The following BHMT2 variants were observed in gnomAD, a reference collection of about 807,000 sequenced individuals.
BHMT2 encodes S-methylmethionine--homocysteine S-methyltransferase BHMT2.
BHMT2 carries 28 observed loss-of-function variants against 39.0 expected under a neutral mutation model. The observed-to-expected ratio is 0.72, with a 90% CI of 0.53 to 0.98. BHMT2 has a LOEUF of 0.98. BHMT2 is among the 50% of genes least tolerant of loss of function. The probability of loss-of-function intolerance (pLI) is 0.00; values close to 1 mark genes in which losing one functional copy is unlikely to be tolerated. For missense variants in BHMT2, 410 were observed against 455.6 expected (o/e 0.90, Z 0.91); for synonymous variants, 145 against 160.6 (o/e 0.90, Z 0.74).
rs185777199 is a variant in BHMT2, at chr5:79,081,381, A to G, written c.450+503A>G. Among the ~76,000 whole-genome samples, 34 of 152,262 alleles carry G rather than the reference A, an allele frequency of 2.2e-4. No individual in the cohort carries two copies. The East Asian group carries it at 5.8e-3, about 26-fold the overall frequency. On this transcript the variant is annotated intron_variant, in intron 4 of 7. Coordinates refer to ENST00000255192, the MANE Select transcript of BHMT2 (RefSeq NM_017614.5). ...TCTTCTTGCCTCTCTGCTTTCACTCAAGCTATGACATGTGAATTACATTTT... is the reference window on the plus strand; with the variant it reads ...TCTTCTTGCCTCTCTGCTTTCACTCGAGCTATGACATGTGAATTACATTTT...
chr5:79,083,835 C>T lies in BHMT2; in HGVS notation c.989C>T (p.Thr330Ile). ...GSWGSGLDMH[T>I]KPWIRARARR... ...TGGGGAAGTGGTTTGGACATGCACA[C>T]CAAACCCTGGATTAGAGCAAGGTAA... The change falls in exon 7 of 8, where the codon ACC (threonine) becomes ATC (isoleucine). Residue 330 changes from threonine (T) to isoleucine (I), a missense_variant. Thr to Ile is a moderately conservative substitution (Grantham distance 89). Transcript: ENST00000255192. The T allele has an allele frequency of 6.2e-7, 1 of 1,613,982 alleles. No individual in the cohort carries two copies. Among genetic ancestry groups the T allele is most frequent in the Non-Finnish European group, 8.5e-7 (1 of 1,179,924 alleles).
intron 4 of BHMT2, among the ~76,000 whole-genome samples, chr5:79,081,669 G>A (rs1755790914): frequency 6.6e-6 from 1 of 152,106 alleles, no homozygotes; most frequent in African/African-American, 2.4e-5. Context: ...AGACTACCCT[G>A]GTGAACAAGG....
chr5:79,089,240 T>G lies in BHMT2; in HGVS notation c.*666T>G, dbSNP rs917610119. On this transcript the variant is annotated 3_prime_UTR_variant, in exon 8 of 8. Coordinates refer to ENST00000255192, the MANE Select transcript of BHMT2 (RefSeq NM_017614.5). ...GCCGAGGCGGGCGGATCACCTGAGG[T>G]CAGCAGTTCAAGACCAGCCTGACCA... The G allele has an allele frequency of 6.6e-6, 1 of 151,570 alleles. No individual in the cohort carries two copies. The highest frequency in any genetic ancestry group is 1.5e-5 in the Non-Finnish European group (1 of 67,892). The allele number at this position is 151,570 out of a possible 1,614,324, so 9.4% of individuals were successfully genotyped here.
At position 79,083,709 on chromosome 5, in the gene BHMT2, G is replaced by T. The variant is rs903018207; in HGVS notation, c.863G>T (p.Gly288Val). 1 of 1,614,096 alleles carries T rather than the reference G, an allele frequency of 6.2e-7. No individual in the cohort carries two copies. The highest frequency in any genetic ancestry group is 8.5e-7 in the Non-Finnish European group (1 of 1,180,008). Residue 288 changes from glycine (G) to valine (V), a missense_variant, in exon 7 of 8, where the codon GGC becomes GTC. Transcript: ENST00000255192. Reference sequence around the variant, plus strand: ...TACAACCTGGGGGTCAGGTACATTGGCGGGTGCTGTGGATTTGAGCCCTAC... The same window carrying T: ...TACAACCTGGGGGTCAGGTACATTGTCGGGTGCTGTGGATTTGAGCCCTAC... ...EAYNLGVRYI[G>V]GCCGFEPYHI...
chr5:79,083,928 G>A, intron 7 of BHMT2, 72 bp downstream of exon 7: 1 of 1,509,548 alleles, frequency 6.6e-7, no homozygotes, highest in African/African-American at 1.4e-5. Context: ...TAAATGTCAT[G>A]CATGCACATG....
At chr5:79,086,918 ATGGAT>A (rs1238169646) in intron 7 of BHMT2, among the ~76,000 whole-genome samples, 4 of 150,836 alleles carry the variant, frequency 2.7e-5, no homozygotes, top group African/African-American at 9.7e-5. Context: ...CTGTTCTGTT[ATGGAT>A]CATTGTATTT....
intron 3 of BHMT2, 93 bp from the exon 4 acceptor site, chr5:79,080,594 C>A: frequency 8.5e-7 from 1 of 1,171,174 alleles, no homozygotes; most frequent in Non-Finnish European, 1.2e-6. Flanking sequence ...GGCTTATACT[C>A]ATCTTACTTG....
chr5:79,073,855 C>A (rs76185619), intron 1 of BHMT2, among the ~76,000 whole-genome samples: 1,621 of 152,292 alleles, frequency 0.011, 26 homozygotes, highest in African/African-American at 0.037. Flanking sequence ...GATGGACCTT[C>A]TTGCACTGCA....
At position 79,088,623 on chromosome 5, in the gene BHMT2, C is replaced by T; in HGVS notation, c.*49C>T. 1 of 1,532,970 alleles carries T rather than the reference C, an allele frequency of 6.5e-7. No individual in the cohort carries two copies. The highest frequency in any genetic ancestry group is 2.3e-5 in the East Asian group (1 of 44,316). 95.0% of individuals were successfully genotyped at this position (1,532,970 alleles called of 1,614,324 possible). A position where few individuals can be genotyped will look rare whatever the true frequency, so the allele number is the denominator to read the frequency against. On this transcript the variant is annotated 3_prime_UTR_variant, in exon 8 of 8. Coordinates refer to ENST00000255192, the MANE Select transcript of BHMT2 (RefSeq NM_017614.5). ...AATAATCGAACAGGAAAAAGTTGCC[C>T]TCAAGCCTGACCTGGAACCGTTCCT...
chr5:79,080,612 T>G (rs1302433641), intron 3 of BHMT2, 75 bp from the exon 4 acceptor site: 1 of 1,354,482 alleles, frequency 7.4e-7, no homozygotes, highest in African/African-American at 1.5e-5. Flanking sequence ...TTGTTTATTG[T>G]CCCTTTAGTT....
At chr5:79,077,443 T>A (rs1395698647) in intron 1 of BHMT2, 37 bp from the exon 2 acceptor site, 10 of 1,546,412 alleles carry the variant, frequency 6.5e-6, no homozygotes, top group South Asian at 6.3e-5. Flanking sequence ...AAAAAAAAAG[T>A]AGAGCGGAGC....
intron 7 of BHMT2, among the ~76,000 whole-genome samples, chr5:79,084,269 G>C (rs1024238298): frequency 4.0e-5 from 6 of 151,340 alleles, no homozygotes; most frequent in South Asian, 2.1e-4. Flanking sequence ...TGTCTTTTTT[G>C]TTTGTTTGTT....
At chr5:79,072,385 T>C (rs773591213) in intron 1 of BHMT2, among the ~76,000 whole-genome samples, 1 of 152,146 alleles carries the variant, frequency 6.6e-6, no homozygotes, top group Non-Finnish European at 1.5e-5. Flanking sequence ...ACAGTCAAAA[T>C]ATATACTACA....
chr5:79,085,419 G>A (rs529507715), intron 7 of BHMT2, among the ~76,000 whole-genome samples: 61 of 152,274 alleles, frequency 4.0e-4, no homozygotes, highest in East Asian at 3.3e-3. Flanking sequence ...AGTGGCTCAC[G>A]CCTGTAATCC....
chr5:79,087,976 T>C (rs538804728), intron 7 of BHMT2, among the ~76,000 whole-genome samples: 21 of 152,238 alleles, frequency 1.4e-4, no homozygotes, highest in Admixed American at 1.4e-3. Context: ...GCTCAGGAGT[T>C]TGAGACTAGC....
chr5:79,079,386 G>A lies in BHMT2; in HGVS notation c.184G>A (p.Glu62Lys). ...HPDAVRQLHM[E>K]FLRAGSNVMQ... The stretch of plus-strand genomic sequence containing the variant: ...CTTTGTAGTTCGTCAACTTCACATG[G>A]AATTCTTGAGAGCAGGATCAAATGT... Residue 62 changes from glutamate (E) to lysine (K), a missense_variant, in exon 3 of 8, where the codon GAA becomes AAA. By Grantham distance (56) the Glu-to-Lys change is moderately conservative. Transcript: ENST00000255192. 1 of 1,613,204 alleles carries A rather than the reference G, an allele frequency of 6.2e-7. No homozygotes were observed. Among genetic ancestry groups the A allele is most frequent in the Non-Finnish European group, 8.5e-7 (1 of 1,179,482 alleles).
chr5:79,085,406 C>G (rs1755873590), intron 7 of BHMT2, among the ~76,000 whole-genome samples: 1 of 152,162 alleles, frequency 6.6e-6, no homozygotes, highest in African/African-American at 2.4e-5. Flanking sequence ...TAGGACTGGG[C>G]ACAGTGGCTC....
At chr5:79,083,002 G>T in intron 5 of BHMT2, 46 bp downstream of exon 5, 3 of 1,609,008 alleles carry the variant, frequency 1.9e-6, no homozygotes, top group Non-Finnish European at 2.6e-6. Context: ...TGTTGCTTAC[G>T]AAATTTAACA....
In BHMT2 at chr5:79,082,848, G is replaced by A. The variant is rs1257338869; in HGVS notation, c.490G>A (p.Val164Ile). ...TGAAGAAGCTGTGTGGGCTGTGGAA[G>A]TCTTAAAAGAATCAGATAGACCCGT... ...HVEEAVWAVE[V>I]LKESDRPVAV... The change falls in exon 5 of 8, where the codon GTC (valine) becomes ATC (isoleucine). Residue 164 changes from valine (V) to isoleucine (I), a missense_variant. Coordinates refer to ENST00000255192, the MANE Select transcript of BHMT2 (RefSeq NM_017614.5). The A allele has an allele frequency of 1.2e-6, 2 of 1,614,164 alleles. No individual in the cohort carries two copies. The highest frequency in any genetic ancestry group is 1.1e-5 in the South Asian group (1 of 91,082).
Sources: gnomAD v4.1 joint callset for allele counts (sites outside exome capture counted in the v4.1 genomes callset) on GRCh38, gnomAD v4.1.1 for gene constraint, MANE v1.5 for transcripts, NCBI Gene and HGNC (gene_info 2026-07-23, HGNC 2026-07-21) for gene names.